MCF2: variants seen among roughly 807,000 people sequenced by gnomAD.
MCF2 encodes proto-oncogene DBL.
MCF2 carries 44 observed loss-of-function variants against 82.5 expected under a neutral mutation model. The ratio of observed to expected loss-of-function variants is 0.53; its 90% CI spans 0.42 to 0.69. The LOEUF (loss-of-function observed/expected upper bound fraction) is 0.69. Ranked by LOEUF, MCF2 falls within the 30% of genes least tolerant of loss-of-function variation. MCF2 has a pLI of 0.00. For synonymous variants in MCF2, 217 were observed against 224.9 expected, an observed-to-expected ratio of 0.96 and a Z score of 0.32; for missense variants, 623 against 663.1, an observed-to-expected ratio of 0.94 and a Z score of 0.66.
intron 18 of MCF2, among the ~76,000 whole-genome samples, chrX:139,597,108 C>A (rs190410926): frequency 2.7e-5 from 3 of 111,243 alleles, no homozygotes. Flanking sequence ...TGTTAAAAGG[C>A]TACACAAGTG....
chrX:139,667,505 G>A (rs1934558774), intron 1 of MCF2, among the ~76,000 whole-genome samples: 1 of 111,761 alleles, frequency 8.9e-6, no homozygotes, highest in Non-Finnish European at 1.9e-5. Context: ...TGAGGTGGTA[G>A]TAGCCAGGAG....
At chrX:139,683,416 C>G (rs1300843608) in intron 1 of MCF2, among the ~76,000 whole-genome samples, 1 of 112,496 alleles carries the variant, frequency 8.9e-6, no homozygotes, top group Non-Finnish European at 1.9e-5. Flanking sequence ...TTCCTAAATT[C>G]ATCTACAGAT....
chrX:139,659,322 A>T (rs889603723), intron 1 of MCF2, among the ~76,000 whole-genome samples: 54 of 111,219 alleles, frequency 4.9e-4, no homozygotes, highest in African/African-American at 1.7e-3. Context: ...TAAAAAAAAA[A>T]CTATTTCTCT....
intron 1 of MCF2, among the ~76,000 whole-genome samples, chrX:139,670,765 A>G (rs1041859013): frequency 2.7e-5 from 3 of 112,276 alleles, no homozygotes; most frequent in Non-Finnish European, 5.6e-5. Context: ...TAGTGCTGCA[A>G]TAAACATACG....
At chrX:139,641,737 T>C (rs1278382950) in intron 1 of MCF2, among the ~76,000 whole-genome samples, 8 of 111,624 alleles carry the variant, frequency 7.2e-5, no homozygotes, top group Non-Finnish European at 1.3e-4. Context: ...TTTCAACATT[T>C]CTCCAAAATA....
exon 23 of MCF2, chrX:139,586,459 C>T (rs1257315735): frequency 8.3e-7 from 1 of 1,206,580 alleles, no homozygotes; most frequent in Non-Finnish European, 1.1e-6. Flanking sequence ...TCAGTTTCCT[C>T]AGTACTTATA....
At chrX:139,624,187 A>C (rs1339698775) in intron 6 of MCF2, among the ~76,000 whole-genome samples, 1 of 111,468 alleles carries the variant, frequency 9.0e-6, no homozygotes, top group Non-Finnish European at 1.9e-5. Flanking sequence ...TATATACTAA[A>C]TAGAATCATG....
intron 1 of MCF2, among the ~76,000 whole-genome samples, chrX:139,665,351 T>C (rs181406483): frequency 2.1e-4 from 23 of 112,076 alleles, no homozygotes; most frequent in Non-Finnish European, 3.9e-4. Context: ...CTACTGCTGA[T>C]ATGGGTTATT....
chrX:139,667,571 T>C (rs1934561538), intron 1 of MCF2, among the ~76,000 whole-genome samples: 1 of 111,708 alleles, frequency 9.0e-6, no homozygotes, highest in African/African-American at 3.3e-5. Context: ...AAGTGGTGAA[T>C]TGGGTTGTTC....
chrX:139,647,742 G>A (rs182452043), upstream of MCF2, among the ~76,000 whole-genome samples: 6 of 111,539 alleles, frequency 5.4e-5, no homozygotes, highest in East Asian at 8.5e-4. Context: ...GTTTCTACCC[G>A]TTTCTCCACC....
intron 1 of MCF2, among the ~76,000 whole-genome samples, chrX:139,639,776 T>A (rs1269561462): frequency 8.9e-6 from 1 of 112,087 alleles, no homozygotes; most frequent in Non-Finnish European, 1.9e-5. Context: ...TAGTTATTAT[T>A]TCTAGAATGT....
intron 4 of MCF2, among the ~76,000 whole-genome samples, chrX:139,628,135 A>G (rs979714482): frequency 6.3e-5 from 7 of 111,743 alleles, no homozygotes; most frequent in African/African-American, 2.3e-4. Flanking sequence ...GTTTATACCC[A>G]AAGGAAAATA....
intron 1 of MCF2, among the ~76,000 whole-genome samples, chrX:139,675,555 G>C (rs1371628617): frequency 8.9e-6 from 1 of 112,387 alleles, no homozygotes; most frequent in Admixed American, 9.4e-5. Context: ...CTAAGACTCA[G>C]GTCCCTCAGC....
intron 1 of MCF2, among the ~76,000 whole-genome samples, chrX:139,680,512 C>T (rs758801592): frequency 2.1e-4 from 24 of 112,034 alleles, no homozygotes; most frequent in Middle Eastern, 9.3e-3. Flanking sequence ...GCAGTGTAAA[C>T]GAGTAGGGGC....
At chrX:139,592,629 G>T (rs964048837) in intron 19 of MCF2, among the ~76,000 whole-genome samples, 11 of 111,358 alleles carry the variant, frequency 9.9e-5, no homozygotes, top group Non-Finnish European at 1.7e-4. Context: ...ACAAATTTAT[G>T]GTTCTCAATC....
At chrX:139,607,624 T>G in intron 12 of MCF2, 67 bp downstream of exon 16, 1 of 793,421 alleles carries the variant, frequency 1.3e-6, no homozygotes, top group South Asian at 2.7e-5. Flanking sequence ...CACATTGGCC[T>G]TGAACACTGA....
At chrX:139,680,508 T>C (rs187419465) in intron 1 of MCF2, among the ~76,000 whole-genome samples, 78 of 112,232 alleles carry the variant, frequency 6.9e-4, no homozygotes, top group African/African-American at 2.3e-3. Flanking sequence ...TCTTGCAGTG[T>C]AAACGAGTAG....
chrX:139,646,803 C>G, upstream of MCF2: 1 of 1,100,859 alleles, frequency 9.1e-7, no homozygotes, highest in Non-Finnish European at 1.2e-6. Flanking sequence ...CAATAGATGT[C>G]AGGTAAGTAA....
intron 1 of MCF2, among the ~76,000 whole-genome samples, chrX:139,689,285 G>A (rs188733690): frequency 2.7e-5 from 3 of 111,901 alleles, no homozygotes; most frequent in African/African-American, 9.7e-5. Flanking sequence ...TGATCTTTGT[G>A]AAAGCAAAAA....
Sources: allele counts gnomAD v4.1 joint callset (sites outside exome capture counted in the v4.1 genomes callset), GRCh38; gene constraint gnomAD v4.1.1; transcripts MANE v1.5; gene names NCBI Gene and HGNC (gene_info 2026-07-23, HGNC 2026-07-21).